The following ANKFN1 variants were observed in gnomAD, a reference collection of about 807,000 sequenced individuals.
The protein encoded by ANKFN1 is ankyrin repeat and fibronectin type-III domain-containing protein 1.
A neutral mutation model predicts 108.7 loss-of-function variants in ANKFN1; 74 were observed. The observed-to-expected ratio is 0.68, with a 90% CI of 0.56 to 0.83. The LOEUF is 0.83. Among genes scored for constraint, ANKFN1 ranks in the 40% least tolerant of loss-of-function variants. The pLI, the probability that ANKFN1 is intolerant of heterozygous loss-of-function variation, is 0.00. For synonymous variants in ANKFN1, 547 were observed against 516.2 expected (o/e 1.06, Z -0.81); for missense variants, 1,505 against 1,382.3 (o/e 1.09, Z -1.41).
At chr17:56,301,231 C>G (rs1410134342) in intron 3 of ANKFN1, among the ~76,000 whole-genome samples, 1 of 152,198 alleles carries the variant, frequency 6.6e-6, no homozygotes, top group Non-Finnish European at 1.5e-5. Flanking sequence ...TGACCTGCAT[C>G]AGCTCCACGT....
chr17:56,159,432 G>A (rs562296518), intron 1 of ANKFN1, among the ~76,000 whole-genome samples: 3 of 152,172 alleles, frequency 2.0e-5, no homozygotes, highest in Non-Finnish European at 2.9e-5. Context: ...TGAGCAGATA[G>A]TACTTCTGTG....
At chr17:56,415,035 A>T (rs960503566) in intron 8 of ANKFN1, among the ~76,000 whole-genome samples, 1 of 152,048 alleles carries the variant, frequency 6.6e-6, no homozygotes, top group Non-Finnish European at 1.5e-5. Context: ...AAGAAAAAAA[A>T]ACCCTCAAAA....
At chr17:56,124,333 G>C (rs1247121761) in intron 4 of ANKFN1, among the ~76,000 whole-genome samples, 2 of 152,174 alleles carry the variant, frequency 1.3e-5, no homozygotes, top group East Asian at 3.8e-4. Flanking sequence ...GGAGCTGGTG[G>C]GTTCAGTCCA....
At chr17:56,438,805 C>CATA (rs2049006287) in intron 8 of ANKFN1, among the ~76,000 whole-genome samples, 1 of 152,074 alleles carries the variant, frequency 6.6e-6, no homozygotes, top group Non-Finnish European at 1.5e-5. Flanking sequence ...TTTTAAGACT[C>CATA]ATAGTTAGAG....
At chr17:56,235,838 C>T (rs1206545817) in intron 3 of ANKFN1, among the ~76,000 whole-genome samples, 5 of 152,092 alleles carry the variant, frequency 3.3e-5, no homozygotes, top group Admixed American at 3.3e-4. Context: ...GCTATTCAGA[C>T]TCTTTTTTGG....
chr17:56,445,313 G>C (rs1437626052), intron 10 of ANKFN1, among the ~76,000 whole-genome samples: 2 of 152,194 alleles, frequency 1.3e-5, no homozygotes, highest in Non-Finnish European at 2.9e-5. Context: ...TGCTGATAAA[G>C]ATCAGAGGTT....
intron 3 of ANKFN1, among the ~76,000 whole-genome samples, chr17:56,252,698 A>G (rs1157652895): frequency 2.0e-5 from 3 of 149,638 alleles, no homozygotes; most frequent in Admixed American, 6.7e-5. Flanking sequence ...GGATTGCAGT[A>G]TAATAAGATA....
chr17:56,144,156 GAAAAAAAAA>G (rs59884444), intron 4 of ANKFN1, among the ~76,000 whole-genome samples: 4 of 40,552 alleles, frequency 9.9e-5, no homozygotes, highest in African/African-American at 1.8e-4. Context: ...AGGCGCATCT[GAAAAAAAAA>G]AAAAAAAAAA....
At chr17:56,407,931 C>CTTTTT (rs761975892) in intron 8 of ANKFN1, among the ~76,000 whole-genome samples, 71 of 104,624 alleles carry the variant, frequency 6.8e-4, no homozygotes, top group East Asian at 9.1e-4. Flanking sequence ...TCTTTTTTAT[C>CTTTTT]TTTTTTTTTT....
At chr17:56,268,395 A>G (rs2043709141) in intron 3 of ANKFN1, among the ~76,000 whole-genome samples, 2 of 152,238 alleles carry the variant, frequency 1.3e-5, no homozygotes. Context: ...TAACAAAGAC[A>G]CAACATACCA....
intron 3 of ANKFN1, among the ~76,000 whole-genome samples, chr17:56,240,248 T>C (rs1164652430): frequency 6.6e-6 from 1 of 152,158 alleles, no homozygotes; most frequent in Admixed American, 6.6e-5. Flanking sequence ...CAGTGAGCAA[T>C]ATCCGTCATT....
In ANKFN1 at chr17:56,492,327, C is replaced by A. The variant is rs1022282879; in HGVS notation, c.2401C>A (p.His801Asn). 6 of 702,234 alleles carry A rather than the reference C, an allele frequency of 8.5e-6. No individual in the cohort carries two copies. In the African/African-American group the frequency reaches 1.0e-4, roughly 12 times the overall value. The allele number at this position is 702,234 out of a possible 1,614,324, so 43.5% of individuals were successfully genotyped here. A position where few individuals can be genotyped will look rare whatever the true frequency, so the allele number is the denominator to read the frequency against. ...DSEVAAAKQR[H>N]QQVLDFIQQI... is the part of the protein sequence containing the mutation. Reference sequence around the variant, plus strand: ...CGAGGTTGCAGCTGCCAAACAAAGACACCAGCAAGTTTTAGATTTCATTCA... The same window carrying A: ...CGAGGTTGCAGCTGCCAAACAAAGAAACCAGCAAGTTTTAGATTTCATTCA... The change falls in exon 19 of 21, where the codon CAC (histidine) becomes AAC (asparagine). Residue 801 changes from histidine to asparagine, a missense_variant. Coordinates refer to ENST00000682825, the MANE Select transcript of ANKFN1 (RefSeq NM_001370326.1).
intron 11 of ANKFN1, among the ~76,000 whole-genome samples, chr17:56,455,619 C>G (rs2145227056): frequency 6.6e-6 from 1 of 152,324 alleles, no homozygotes; most frequent in East Asian, 1.9e-4. Context: ...CTCATTTTCC[C>G]TTCATTGCAT....
intron 2 of ANKFN1, among the ~76,000 whole-genome samples, chr17:56,219,793 A>T (rs915535442): frequency 1.3e-5 from 2 of 152,312 alleles, no homozygotes; most frequent in East Asian, 3.9e-4. Context: ...CCACAACTCA[A>T]CTGTGAGTTA....
intron 1 of ANKFN1, among the ~76,000 whole-genome samples, chr17:56,188,158 G>A (rs6505047): frequency 0.74 from 112,074 of 152,078 alleles, 42,298 homozygotes; most frequent in East Asian, 0.94. Flanking sequence ...GATATTGCCT[G>A]AGAACTCACT....
At chr17:56,461,445 C>G (rs188456505) in intron 14 of ANKFN1, among the ~76,000 whole-genome samples, 3 of 152,326 alleles carry the variant, frequency 2.0e-5, no homozygotes, top group African/African-American at 7.2e-5. Flanking sequence ...TTTCTTCCAA[C>G]TTGCTGGTCT....
chr17:56,348,422 A>G (rs1454479630), intron 4 of ANKFN1, among the ~76,000 whole-genome samples: 1 of 151,920 alleles, frequency 6.6e-6, no homozygotes, highest in Non-Finnish European at 1.5e-5. Context: ...TTGCAGACAA[A>G]ACTTAAAAGG....
intron 4 of ANKFN1, among the ~76,000 whole-genome samples, chr17:56,342,611 T>G (rs2045987764): frequency 6.6e-6 from 1 of 152,070 alleles, no homozygotes; most frequent in South Asian, 2.1e-4. Context: ...TGGTTTTGAG[T>G]GAATCTCTTA....
intron 3 of ANKFN1, among the ~76,000 whole-genome samples, chr17:56,272,081 C>T (rs2043808783): frequency 6.6e-6 from 1 of 152,122 alleles, no homozygotes; most frequent in Non-Finnish European, 1.5e-5. Flanking sequence ...GAACACCTGT[C>T]CTAATAATGA....
Sources: allele counts gnomAD v4.1 joint callset (sites outside exome capture counted in the v4.1 genomes callset), GRCh38; gene constraint gnomAD v4.1.1; transcripts MANE v1.5; gene names NCBI Gene and HGNC (gene_info 2026-07-23, HGNC 2026-07-21).